Variants in DNAH9 observed in about 807,000 individuals in gnomAD.
The protein encoded by DNAH9 is DNAH9 variant protein.
DNAH9 carries 345 observed loss-of-function variants against 471.6 expected under a neutral mutation model. That is an observed-to-expected ratio of 0.73 (90% CI 0.67 to 0.80). DNAH9 has a LOEUF of 0.80. Among genes scored for constraint, DNAH9 ranks in the 30% least tolerant of loss-of-function variants. The probability of loss-of-function intolerance (pLI) is 0.00; values close to 1 mark genes in which losing one functional copy is unlikely to be tolerated. For missense variants in DNAH9, 5,407 were observed against 5,609.2 expected (o/e 0.96, Z 1.15); for synonymous variants, 2,093 against 2,123.6 (o/e 0.99, Z 0.40).
chr17:11,847,998 A>C (rs1304105396), intron 49 of DNAH9, among the ~76,000 whole-genome samples: 1 of 151,988 alleles, frequency 6.6e-6, no homozygotes, highest in Non-Finnish European at 1.5e-5. Flanking sequence ...AGGTTCTGCT[A>C]ACCCCTCCTC....
At chr17:11,943,550 A>G (rs181121357) in intron 67 of DNAH9, among the ~76,000 whole-genome samples, 169 of 152,116 alleles carry the variant, frequency 1.1e-3, no homozygotes, top group Non-Finnish European at 2.0e-3. Context: ...GGCGGTGTGC[A>G]CCTGTAGTCC....
At chr17:11,721,282 G>GT (rs1170815823) in intron 27 of DNAH9, among the ~76,000 whole-genome samples, 1 of 151,870 alleles carries the variant, frequency 6.6e-6, no homozygotes, top group Non-Finnish European at 1.5e-5. Context: ...TTTTTGTTTT[G>GT]TTTTTTGTTT....
chr17:11,953,969 A>G (rs988085072), intron 67 of DNAH9: 3 of 152,206 alleles, frequency 2.0e-5, no homozygotes, highest in Admixed American at 6.5e-5. Flanking sequence ...TTGATATGAA[A>G]AAATGAACTT....
intron 17 of DNAH9, among the ~76,000 whole-genome samples, chr17:11,673,512 G>A (rs986018861): frequency 3.3e-5 from 5 of 151,756 alleles, no homozygotes; most frequent in East Asian, 1.9e-4. Context: ...AGAGAAAGGA[G>A]TATGACCCCA....
intron 6 of DNAH9, 74 bp downstream of exon 6, chr17:11,619,855 A>G (rs1379582648): frequency 2.4e-5 from 20 of 827,376 alleles, no homozygotes; most frequent in Non-Finnish European, 3.9e-5. Flanking sequence ...AAAGTGGAAT[A>G]GGAAAATGCA....
At chr17:11,629,862 G>T (rs187526872) in intron 7 of DNAH9, among the ~76,000 whole-genome samples, 83 of 152,340 alleles carry the variant, frequency 5.4e-4, no homozygotes, top group African/African-American at 1.9e-3. Context: ...AGATGCTGAG[G>T]TGGGTATGAC....
chr17:11,931,268 G>A (rs1597841300), intron 63 of DNAH9, among the ~76,000 whole-genome samples: 1 of 152,180 alleles, frequency 6.6e-6, no homozygotes, highest in Admixed American at 6.5e-5. Flanking sequence ...TTGTCATCTT[G>A]TCATAGTACC....
intron 12 of DNAH9, among the ~76,000 whole-genome samples, 187 bp downstream of exon 12, chr17:11,647,385 A>G (rs114318700): frequency 0.014 from 2,194 of 152,166 alleles, 51 homozygotes; most frequent in African/African-American, 0.05. Flanking sequence ...TGATTCTCCT[A>G]CCTCAGCCTC....
At chr17:11,929,842 G>A (rs200049212) in intron 62 of DNAH9, 24 bp from the exon 63 acceptor site, 119 of 1,598,380 alleles carry the variant, frequency 7.4e-5, no homozygotes, top group Non-Finnish European at 5.6e-5. Context: ...CTGTATTGAG[G>A]GGGGGCTCCT....
Position 11,892,865 on chromosome 17 carries a change from CTT to C in DNAH9, c.11283+921_11283+922del, listed in dbSNP as rs1452631917. On this transcript the variant is annotated intron_variant, in intron 58 of 68. Coordinates refer to ENST00000262442, the MANE Select transcript of DNAH9 (RefSeq NM_001372.4). This position sits in a 1 kb window ranked among gnomAD's most constrained non-coding sequence, Gnocchi z 4.3. ...CATTGCATCTGGCCTAATTTACTTC[CTT>C]TTACATGTCCCTGTAATCATTTAGA... 0.021 allele frequency among the ~76,000 whole-genome samples: 3,148 copies of C among 152,200 alleles called. 108 individuals carry two copies. Among genetic ancestry groups the C allele is most frequent in the African/African-American group, 0.072 (3,005 of 41,506 alleles).
intron 19 of DNAH9, among the ~76,000 whole-genome samples, chr17:11,688,908 C>T (rs541106125): frequency 2.6e-5 from 4 of 151,982 alleles, no homozygotes; most frequent in East Asian, 1.9e-4. Context: ...CCAGCCTGGC[C>T]GACATGGTGA....
At chr17:11,859,482 G>A (rs116483353) in intron 50 of DNAH9, among the ~76,000 whole-genome samples, 2,302 of 150,912 alleles carry the variant, frequency 0.015, 51 homozygotes, top group African/African-American at 0.053. Context: ...TTTATTTCCT[G>A]TTCTATTACA....
intron 50 of DNAH9, among the ~76,000 whole-genome samples, chr17:11,857,347 A>G (rs2150973248): frequency 6.6e-6 from 1 of 152,182 alleles, no homozygotes; most frequent in African/African-American, 2.4e-5. Flanking sequence ...CCTCCTCTCC[A>G]TCCTCCACTT....
At chr17:11,958,214 A>C (rs1351854943) in intron 67 of DNAH9, among the ~76,000 whole-genome samples, 5 of 152,230 alleles carry the variant, frequency 3.3e-5, no homozygotes, top group Non-Finnish European at 7.3e-5. Flanking sequence ...GAAAAATGGA[A>C]AACAATGGAG....
chr17:11,948,933 C>T (rs977767580), intron 67 of DNAH9, among the ~76,000 whole-genome samples: 6 of 152,136 alleles, frequency 3.9e-5, no homozygotes, highest in South Asian at 2.1e-4. Flanking sequence ...GTGGACTGAA[C>T]GCCCGCTGCA....
chr17:11,653,608 G>A (rs1486354729), intron 14 of DNAH9, among the ~76,000 whole-genome samples: 2 of 152,186 alleles, frequency 1.3e-5, no homozygotes, highest in Non-Finnish European at 2.9e-5. Flanking sequence ...AGTAGCTATA[G>A]GGCCATGTCT....
intron 53 of DNAH9, among the ~76,000 whole-genome samples, chr17:11,877,151 ATATAT>A (rs1972523827): frequency 6.6e-6 from 1 of 151,816 alleles, no homozygotes. Context: ...CACAATTTAA[ATATAT>A]TAATTAATAA....
chr17:11,819,322 G>A (rs1047008322), intron 45 of DNAH9, among the ~76,000 whole-genome samples: 1 of 152,012 alleles, frequency 6.6e-6, no homozygotes, highest in African/African-American at 2.4e-5. Context: ...AATCAAATGG[G>A]TTTCTTTCTT....
At chr17:11,881,748 A>G (rs1972730057) in intron 55 of DNAH9, among the ~76,000 whole-genome samples, 1 of 152,040 alleles carries the variant, frequency 6.6e-6, no homozygotes, top group Non-Finnish European at 1.5e-5. Context: ...CTCTACTAAA[A>G]AATAAATATT....
Sources: gnomAD v4.1 joint callset for allele counts (sites outside exome capture counted in the v4.1 genomes callset) on GRCh38, gnomAD v4.1.1 for gene constraint, Gnocchi (gnomAD v3.1) non-coding constraint, MANE v1.5 for transcripts, NCBI Gene and HGNC (gene_info 2026-07-23, HGNC 2026-07-21) for gene names.